Variants in NMT2 observed in about 807,000 individuals in gnomAD.
NMT2 encodes the protein glycylpeptide N-tetradecanoyltransferase 2.
Under a neutral mutation model 65.4 loss-of-function variants are expected in NMT2, and 35 were observed. The ratio of observed to expected loss-of-function variants is 0.54; its 90% confidence interval spans 0.41 to 0.71. NMT2 has a LOEUF of 0.71. Among genes scored for constraint, NMT2 ranks in the 30% least tolerant of loss-of-function variants. The pLI is 0.00. For synonymous variants in NMT2, 226 were observed against 231.8 expected (o/e 0.98, Z 0.23); for missense variants, 489 against 611.3 (o/e 0.80, Z 2.11).
chr10:15,158,100 G>T (rs530107128), intron 1 of NMT2, among the ~76,000 whole-genome samples: 1 of 152,240 alleles, frequency 6.6e-6, no homozygotes, highest in East Asian at 1.9e-4. Context: ...CGGATCACTT[G>T]AGGTCAGGAG....
At chr10:15,114,299 A>G (rs894885765) in intron 9 of NMT2, among the ~76,000 whole-genome samples, 1 of 152,130 alleles carries the variant, frequency 6.6e-6, no homozygotes, top group Admixed American at 6.6e-5. Context: ...CTTTCAGAAA[A>G]CTACTTCTTC....
At chr10:15,161,754 CAT>C (rs1302872895) in intron 1 of NMT2, among the ~76,000 whole-genome samples, 2 of 151,964 alleles carry the variant, frequency 1.3e-5, no homozygotes, top group South Asian at 2.1e-4. Context: ...GAATGTGAAA[CAT>C]GTAATAGTTA....
At chr10:15,109,627 A>C in intron 11 of NMT2, 75 bp downstream of exon 11, 1 of 1,146,584 alleles carries the variant, frequency 8.7e-7, no homozygotes, top group Non-Finnish European at 1.2e-6. Flanking sequence ...AGCTGTCTTA[A>C]GTCTAAGTGA....
Position 15,168,642 on chromosome 10 carries a change from T to C in NMT2, c.-30A>G, listed in dbSNP as rs1433550051. The C allele has an allele frequency of 6.5e-7, 1 of 1,545,032 alleles. No homozygotes were observed. The highest frequency in any genetic ancestry group is 1.8e-5 in the Admixed American group (1 of 56,340). ...GCGGCGCTGGCTGGGGAGGCGGTGC[T>C]CGGGGCCGGGCCGGAGCGGCCGCAG... is the stretch of plus-strand genomic sequence containing the variant. On this transcript the variant is annotated 5_prime_UTR_variant, in exon 1 of 12. Transcript: ENST00000378165.
intron 1 of NMT2, among the ~76,000 whole-genome samples, chr10:15,167,594 T>A (rs1333700155): frequency 6.6e-6 from 1 of 152,172 alleles, no homozygotes; most frequent in African/African-American, 2.4e-5. Flanking sequence ...AAAAGGGTAA[T>A]GTAAACAGCA....
At chr10:15,162,772 T>C (rs1833241519) in intron 1 of NMT2, among the ~76,000 whole-genome samples, 1 of 148,458 alleles carries the variant, frequency 6.7e-6, no homozygotes, top group Non-Finnish European at 1.5e-5. Context: ...TTTATTTATA[T>C]ATATATTTGA....
Position 15,108,201 on chromosome 10 carries a change from T to C in NMT2, c.*994A>G. 2.0e-6 allele frequency: 2 copies of C among 984,132 alleles called. No individual in the cohort carries two copies. Among genetic ancestry groups the C allele is most frequent in the Non-Finnish European group, 2.4e-6 (2 of 829,068 alleles). 61.0% of individuals were successfully genotyped at this position (984,132 alleles called of 1,614,324 possible). ...TACAGGCTCTTTCTTTTTTTTTTTTTTTGAGACGGAGTCTCACGCTCTGTC... is the reference window on the plus strand; with the variant it reads ...TACAGGCTCTTTCTTTTTTTTTTTTCTTGAGACGGAGTCTCACGCTCTGTC... On this transcript the variant is annotated 3_prime_UTR_variant, in exon 12 of 12. Coordinates refer to ENST00000378165, the MANE Select transcript of NMT2 (RefSeq NM_004808.3).
In NMT2 at chr10:15,109,877, G is replaced by A. The variant is rs73602492; in HGVS notation, c.1339-38C>T. 7.4e-3 allele frequency: 11,486 copies of A among 1,542,318 alleles called. 733 individuals are homozygous for A. The African/African-American group carries it at 0.14, about 19-fold the overall frequency. ...AAAAGATTTAAAATTTAAAACAAAG[G>A]ACTAGTGTTTTCTGTATTACATATC... is the stretch of plus-strand genomic sequence containing the variant. On this transcript the variant is annotated intron_variant, in intron 10 of 11. Coordinates refer to ENST00000378165, the MANE Select transcript of NMT2 (RefSeq NM_004808.3).
At chr10:15,152,243 C>T (rs975595180) in intron 1 of NMT2, among the ~76,000 whole-genome samples, 2 of 152,138 alleles carry the variant, frequency 1.3e-5, no homozygotes, top group Admixed American at 6.5e-5. Context: ...CAAAGGTGAA[C>T]GTGGAGTCCT....
chr10:15,142,530 C>A (rs917119779), intron 1 of NMT2, among the ~76,000 whole-genome samples: 6 of 152,236 alleles, frequency 3.9e-5, no homozygotes, highest in African/African-American at 1.2e-4. Flanking sequence ...CCACTGCACT[C>A]TGGCCTGGGC....
intron 1 of NMT2, among the ~76,000 whole-genome samples, chr10:15,153,239 A>G (rs1447162993): frequency 6.6e-6 from 1 of 152,254 alleles, no homozygotes; most frequent in Non-Finnish European, 1.5e-5. Flanking sequence ...TGGGTAACAC[A>G]GTGAGACCTC....
chr10:15,161,202 C>T (rs1833185308), intron 1 of NMT2, among the ~76,000 whole-genome samples: 1 of 149,540 alleles, frequency 6.7e-6, no homozygotes, highest in Non-Finnish European at 1.5e-5. Context: ...CATAGAGTCA[C>T]ATGCACACCC....
At chr10:15,122,649 GA>G (rs1186211829) in intron 8 of NMT2, among the ~76,000 whole-genome samples, 1 of 152,254 alleles carries the variant, frequency 6.6e-6, no homozygotes, top group East Asian at 1.9e-4. Flanking sequence ...TCGATCTCCT[GA>G]CCTTGTGATC....
At chr10:15,161,514 C>G (rs1002674561) in intron 1 of NMT2, among the ~76,000 whole-genome samples, 31 of 152,114 alleles carry the variant, frequency 2.0e-4, no homozygotes, top group African/African-American at 7.2e-4. Context: ...CGCCACCACA[C>G]CTGGCTAATG....
At chr10:15,126,065 G>C (rs924944430) in intron 8 of NMT2, among the ~76,000 whole-genome samples, 1 of 152,048 alleles carries the variant, frequency 6.6e-6, no homozygotes, top group Non-Finnish European at 1.5e-5. Flanking sequence ...CACCTCCTGG[G>C]GTTCACAGCT....
chr10:15,165,100 T>G (rs776149688), intron 1 of NMT2, among the ~76,000 whole-genome samples: 3 of 151,284 alleles, frequency 2.0e-5, no homozygotes, highest in Non-Finnish European at 4.4e-5. Context: ...GAGGTGGAGG[T>G]TGCAGTGCGC....
chr10:15,128,292 C>G (rs534831010), intron 8 of NMT2, 58 bp downstream of exon 8: 3 of 951,576 alleles, frequency 3.2e-6, no homozygotes, highest in Non-Finnish European at 5.1e-6. Flanking sequence ...TAATTCTTTT[C>G]TGCATTAAAA....
chr10:15,131,094 A>C (rs1180203593), intron 6 of NMT2, among the ~76,000 whole-genome samples: 1 of 152,082 alleles, frequency 6.6e-6, no homozygotes, highest in African/African-American at 2.4e-5. Context: ...ACCTGGCCTG[A>C]AAGCCATTCT....
At chr10:15,135,782 G>GC (rs1224494829) in intron 2 of NMT2, among the ~76,000 whole-genome samples, 2 of 152,114 alleles carry the variant, frequency 1.3e-5, no homozygotes, top group African/African-American at 4.8e-5. Context: ...CCTTGGGTGG[G>GC]GGGCACTGTC....
Sources: gnomAD v4.1 joint callset for allele counts (sites outside exome capture counted in the v4.1 genomes callset) on GRCh38, gnomAD v4.1.1 for gene constraint, MANE v1.5 for transcripts, NCBI Gene and HGNC (gene_info 2026-07-23, HGNC 2026-07-21) for gene names.